Variants in SOX6 observed in about 807,000 individuals in gnomAD.
SOX6 encodes the protein SRY-box transcription factor 6.
Under a neutral mutation model 97.8 loss-of-function variants are expected in SOX6, and 11 were observed. That is an observed-to-expected ratio of 0.11 (90% CI 0.07 to 0.19). The LOEUF (loss-of-function observed/expected upper bound fraction) is 0.19, where lower values mean the gene tolerates loss of function less well. Among genes scored for constraint, SOX6 ranks in the 10% least tolerant of loss-of-function variants. SOX6 has a pLI of 1.00. For synonymous variants in SOX6, 360 were observed against 371.4 expected, an observed-to-expected ratio of 0.97 and a Z score of 0.35; for missense variants, 810 against 1,039.5, an observed-to-expected ratio of 0.78 and a Z score of 3.04.
chr11:16,116,725 T>A (rs1849355713), intron 6 of SOX6, among the ~76,000 whole-genome samples: 1 of 152,202 alleles, frequency 6.6e-6, no homozygotes, highest in Non-Finnish European at 1.5e-5. Context: ...AGTACCAGGT[T>A]GTGGCCTGTT....
At chr11:16,389,603 T>C (rs1309940264) in intron 1 of SOX6, among the ~76,000 whole-genome samples, 1 of 152,124 alleles carries the variant, frequency 6.6e-6, no homozygotes, top group African/African-American at 2.4e-5. Context: ...TTGGATTATA[T>C]CTTAGACATT....
chr11:16,172,078 G>A (rs952784146), intron 6 of SOX6, among the ~76,000 whole-genome samples: 2 of 151,200 alleles, frequency 1.3e-5, no homozygotes, highest in Admixed American at 6.6e-5. Context: ...ACCCACCCCC[G>A]ACACTCAACA....
In SOX6 at chr11:16,006,913, G is replaced by A. The variant is rs529027974; in HGVS notation, c.1732+8029C>T. On this transcript the variant is annotated intron_variant, in intron 13 of 15. Transcript: ENST00000683767. Reference sequence around the variant, plus strand: ...GTAAAACTGAAGATTGGAAGGCCATGAGTAGGGACAGATCCTGGTTAGAAA... The same window carrying A: ...GTAAAACTGAAGATTGGAAGGCCATAAGTAGGGACAGATCCTGGTTAGAAA... Among the ~76,000 whole-genome samples, 12 of 152,156 alleles carry A rather than the reference G, an allele frequency of 7.9e-5. No homozygotes were observed. The South Asian group carries it at 2.5e-3, about 32-fold the overall frequency.
Position 15,989,003 on chromosome 11 carries a change from T to A in SOX6, c.1960A>T (p.Ile654Phe). 6.2e-7 allele frequency: 1 copy of A among 1,614,054 alleles called. No individual in the cohort carries two copies. Among genetic ancestry groups the A allele is most frequent in the South Asian group, 1.1e-5 (1 of 91,086 alleles). The stretch of plus-strand genomic sequence containing the variant: ...GCTGCACTGCTGCACTCACCTAAGA[T>A]TTTGCTAATGTTGGAGTTATGCATG... Reference protein sequence around the residue: ...PDMHNSNISKILGSRWKSMSN... With the variant: ...PDMHNSNISKFLGSRWKSMSN... The change falls in exon 14 of 16, where the codon ATC (isoleucine) becomes TTC (phenylalanine). Residue 654 changes from isoleucine to phenylalanine, a missense_variant. By Grantham distance (21) the Ile-to-Phe change is conservative. Transcript: ENST00000683767.
At chr11:16,274,224 A>G (rs1854332909) in intron 3 of SOX6, among the ~76,000 whole-genome samples, 1 of 152,120 alleles carries the variant, frequency 6.6e-6, no homozygotes, top group Non-Finnish European at 1.5e-5. Context: ...AAAAATAAAC[A>G]TTGATTTGGG....
intron 12 of SOX6, among the ~76,000 whole-genome samples, chr11:16,038,778 A>G (rs1171212759): frequency 1.3e-5 from 2 of 152,192 alleles, no homozygotes; most frequent in Non-Finnish European, 2.9e-5. Flanking sequence ...CAAGTATTCA[A>G]TGTCAGTCAC....
intron 3 of SOX6, among the ~76,000 whole-genome samples, chr11:16,692,092 C>T (rs2352661): frequency 0.45 from 51,082 of 114,604 alleles, 9,382 homozygotes; most frequent in Admixed American, 0.56. Flanking sequence ...TGTGTGTGCG[C>T]GCGCGCGCTT....
intron 10 of SOX6, among the ~76,000 whole-genome samples, chr11:16,051,838 T>G (rs1158149602): frequency 6.6e-6 from 1 of 152,136 alleles, no homozygotes; most frequent in Non-Finnish European, 1.5e-5. Context: ...GGCCTCTAAT[T>G]GCATACATTA....
chr11:16,635,217 A>G (rs999037493), intron 3 of SOX6, among the ~76,000 whole-genome samples: 3 of 152,198 alleles, frequency 2.0e-5, no homozygotes, highest in African/African-American at 7.2e-5. Context: ...AACAATTTCG[A>G]GGGTTCAGAA....
Position 16,605,414 on chromosome 11 carries a change from C to G in SOX6, n.609+6667G>C, listed in dbSNP as rs1848323513. Among the ~76,000 whole-genome samples, 1 of 151,982 alleles carries G rather than the reference C, an allele frequency of 6.6e-6. No individual in the cohort carries two copies. The highest frequency in any genetic ancestry group is 2.1e-4 in the South Asian group (1 of 4,806). ...CAGTCAGCCTTGGATTTCGGATGGG[C>G]TTGGAATTCGGTTTGTTTATTCCTG... On this transcript the variant is annotated intron_variant and non_coding_transcript_variant, in intron 4 of 5. Transcript: ENST00000524520. The surrounding 1 kb of genome is among the most constrained non-coding windows in gnomAD (Gnocchi z 5.3).
intron 1 of SOX6, among the ~76,000 whole-genome samples, chr11:16,426,083 C>G (rs1372157100): frequency 1.3e-5 from 2 of 151,020 alleles, no homozygotes; most frequent in Admixed American, 1.3e-4. Context: ...GGTGAAACCC[C>G]GTCTCTACTA....
At chr11:16,181,317 C>A (rs556483057) in intron 6 of SOX6, among the ~76,000 whole-genome samples, 1 of 151,652 alleles carries the variant, frequency 6.6e-6, no homozygotes, top group African/African-American at 2.4e-5. Flanking sequence ...AGTTAAGTTT[C>A]ATTTTTAATA....
At position 16,498,318 on chromosome 11, in the gene SOX6, T is replaced by A. The variant is rs548144856; in HGVS notation, n.610-21930A>T. Among the ~76,000 whole-genome samples the A allele has an allele frequency of 1.2e-4, 18 of 152,074 alleles. No homozygotes were observed. The East Asian group carries it at 2.5e-3, about 21-fold the overall frequency. ...GAGCTCCTGAAGGAAGCACTAAACA[T>A]GGAAAGGAACAACCGGTACCAGCCA... On this transcript the variant is annotated intron_variant and non_coding_transcript_variant, in intron 4 of 5. Transcript: ENST00000524520.
chr11:16,255,446 A>G (rs771234402), intron 3 of SOX6, among the ~76,000 whole-genome samples: 12 of 152,152 alleles, frequency 7.9e-5, no homozygotes, highest in Non-Finnish European at 1.3e-4. Context: ...CGGTAACAGA[A>G]TGATAGCTGG....
At chr11:16,447,453 C>CTCTT (rs1554967946) in intron 1 of SOX6, among the ~76,000 whole-genome samples, 11 of 150,772 alleles carry the variant, frequency 7.3e-5, no homozygotes, top group Non-Finnish European at 1.5e-4. Flanking sequence ...TTCTCTCTCT[C>CTCTT]TCTTTCTTTC....
intron 4 of SOX6, among the ~76,000 whole-genome samples, chr11:16,563,530 C>G (rs1847838018): frequency 6.6e-6 from 1 of 151,958 alleles, no homozygotes; most frequent in Non-Finnish European, 1.5e-5. Context: ...AATCAGTGAA[C>G]CAGAAGACAG....
intron 1 of SOX6, among the ~76,000 whole-genome samples, chr11:16,367,313 T>C (rs997642362): frequency 2.0e-5 from 3 of 152,140 alleles, no homozygotes; most frequent in Admixed American, 6.6e-5. Context: ...AAGACTGAAT[T>C]CAGAAAAACA....
At chr11:16,623,724 G>A (rs1263218829) in intron 3 of SOX6, among the ~76,000 whole-genome samples, 1 of 152,070 alleles carries the variant, frequency 6.6e-6, no homozygotes, top group East Asian at 1.9e-4. Flanking sequence ...GATCCATCTT[G>A]AGTTGATTTT....
chr11:16,155,773 T>C (rs1850581531), intron 6 of SOX6, among the ~76,000 whole-genome samples: 1 of 152,110 alleles, frequency 6.6e-6, no homozygotes, highest in African/African-American at 2.4e-5. Context: ...ACAATCTTTG[T>C]TCTAACCAAA....
Sources: allele counts gnomAD v4.1 joint callset (sites outside exome capture counted in the v4.1 genomes callset), GRCh38; gene constraint gnomAD v4.1.1; non-coding constraint Gnocchi (gnomAD v3.1); transcripts MANE v1.5; gene names NCBI Gene and HGNC (gene_info 2026-07-23, HGNC 2026-07-21).